The following TBCEL variants were observed in gnomAD, a reference collection of about 807,000 sequenced individuals.
TBCEL encodes tubulin-specific chaperone cofactor E-like protein.
A neutral mutation model predicts 44.2 loss-of-function variants in TBCEL; 15 were observed. That is an observed-to-expected ratio of 0.34 (90% CI 0.23 to 0.52). The LOEUF (loss-of-function observed/expected upper bound fraction) is 0.52, where lower values mean the gene tolerates loss of function less well. TBCEL is among the 20% of genes least tolerant of loss of function. The pLI, the probability that TBCEL is intolerant of heterozygous loss-of-function variation, is 0.95. For synonymous variants in TBCEL, 171 were observed against 185.4 expected (o/e 0.92, Z 0.63); for missense variants, 319 against 506.3 (o/e 0.63, Z 3.55).
chr11:121,044,867 A>C (rs1184675357), intron 2 of TBCEL, among the ~76,000 whole-genome samples: 16 of 152,140 alleles, frequency 1.1e-4, no homozygotes, highest in Admixed American at 1.0e-3. Flanking sequence ...GATTAGGTCC[A>C]GTTATAGGTA....
intron 8 of TBCEL, among the ~76,000 whole-genome samples, chr11:121,074,045 T>C (rs1945987972): frequency 6.6e-6 from 1 of 152,018 alleles, no homozygotes; most frequent in Non-Finnish European, 1.5e-5. Context: ...AAGGTTGTAC[T>C]AGCTTCAAAA....
chr11:121,039,339 G>A (rs1224795030), intron 2 of TBCEL, among the ~76,000 whole-genome samples: 1 of 152,196 alleles, frequency 6.6e-6, no homozygotes, highest in African/African-American at 2.4e-5. Flanking sequence ...ACTTCTGAAA[G>A]TTAATCACTT....
chr11:121,079,923 T>C (rs7927356), intron 8 of TBCEL, among the ~76,000 whole-genome samples: 56,994 of 152,012 alleles, frequency 0.37, 11,338 homozygotes, highest in African/African-American at 0.52. Context: ...CAAGCAATTC[T>C]CCTGCCTTAG....
intron 1 of TBCEL, among the ~76,000 whole-genome samples, chr11:121,029,016 T>G (rs933287542): frequency 6.6e-6 from 1 of 152,210 alleles, no homozygotes; most frequent in East Asian, 1.9e-4. Flanking sequence ...TTCCCACATA[T>G]ACTCTATACT....
At chr11:121,069,300 C>T (rs1224671810) in intron 8 of TBCEL, among the ~76,000 whole-genome samples, 3 of 152,142 alleles carry the variant, frequency 2.0e-5, no homozygotes, top group Non-Finnish European at 2.9e-5. Flanking sequence ...TGAATATTCG[C>T]TTTATACTCT....
chr11:121,079,377 A>G (rs1461783956), intron 8 of TBCEL, among the ~76,000 whole-genome samples: 2 of 152,220 alleles, frequency 1.3e-5, no homozygotes, highest in Non-Finnish European at 2.9e-5. Context: ...TAGGAATGAG[A>G]AAATAATTTC....
chr11:121,061,879 TTTTC>T (rs1325768958), intron 8 of TBCEL, among the ~76,000 whole-genome samples: 3 of 152,172 alleles, frequency 2.0e-5, no homozygotes, highest in East Asian at 3.9e-4. Context: ...TATACAATTT[TTTTC>T]TTTCTTTAAT....
At chr11:121,039,768 CTGACCCAAGGAACCTAAAGG>C (rs1407576828) in intron 2 of TBCEL, among the ~76,000 whole-genome samples, 1 of 152,218 alleles carries the variant, frequency 6.6e-6, no homozygotes, top group Non-Finnish European at 1.5e-5. Flanking sequence ...GAAATGTCAT[CTGACCCAAGGAACCTAAAGG>C]TGAAATTGTG....
rs373633000 is a variant in TBCEL, at chr11:121,058,487, C to T, written c.839+16C>T. 25 of 1,610,046 alleles carry T rather than the reference C, an allele frequency of 1.6e-5. No individual in the cohort carries two copies. In the African/African-American group the frequency reaches 1.7e-4, roughly 11 times the overall value. On this transcript the variant is annotated intron_variant, in intron 7 of 8. Coordinates refer to ENST00000683345, the MANE Select transcript of TBCEL (RefSeq NM_001363644.2). ...TAATAGCCAGGTCTGTTGTCCTGAT[C>T]GTTTTGCTTTATTTTTGTGAGGCCT...
At chr11:121,054,668 ATCTC>A (rs2134947478) in intron 5 of TBCEL, 1 of 157,054 alleles carries the variant, frequency 6.4e-6, no homozygotes, top group East Asian at 1.9e-4. Context: ...ATTTTCTTCT[ATCTC>A]CTTTCAACTT....
At chr11:121,069,633 A>G (rs1216444599) in intron 8 of TBCEL, among the ~76,000 whole-genome samples, 1 of 152,162 alleles carries the variant, frequency 6.6e-6, no homozygotes, top group Non-Finnish European at 1.5e-5. Context: ...TCTACTAAAA[A>G]TACAAAAAAT....
At position 121,090,050 on chromosome 11, in the gene TBCEL, C is replaced by T. The variant is rs1161648372; in HGVS notation, c.*2954C>T. On this transcript the variant is annotated 3_prime_UTR_variant, in exon 9 of 9. Coordinates refer to ENST00000683345, the MANE Select transcript of TBCEL (RefSeq NM_001363644.2). ...TATCTTTTTTATTATCAAGTTTTTGCAGCCTTTTGCCAGCATTGCCATAAA... is the reference window on the plus strand; with the variant it reads ...TATCTTTTTTATTATCAAGTTTTTGTAGCCTTTTGCCAGCATTGCCATAAA... 1 of 152,134 alleles carries T rather than the reference C, an allele frequency of 6.6e-6. No homozygotes were observed. The highest frequency in any genetic ancestry group is 1.5e-5 in the Non-Finnish European group (1 of 68,022). 9.4% of individuals were successfully genotyped at this position (152,134 alleles called of 1,614,324 possible). A position where few individuals can be genotyped will look rare whatever the true frequency, so the allele number is the denominator to read the frequency against.
rs891874939 is a variant in TBCEL, at chr11:121,088,641, CT to C, written c.*1546del. 159 of 152,292 alleles carry C rather than the reference CT, an allele frequency of 1.0e-3. No individual in the cohort carries two copies. Among genetic ancestry groups the C allele is most frequent in the African/African-American group, 3.7e-3 (153 of 41,572 alleles). 9.4% of individuals were successfully genotyped at this position (152,292 alleles called of 1,614,324 possible). A position where few individuals can be genotyped will look rare whatever the true frequency, so the allele number is the denominator to read the frequency against. On this transcript the variant is annotated 3_prime_UTR_variant, in exon 9 of 9. Coordinates refer to ENST00000683345, the MANE Select transcript of TBCEL (RefSeq NM_001363644.2). ...TGACCTTTGTTACATAATTCTACCC[CT>C]CCTACAAATTTAATTTTTTTATGAA...
chr11:121,069,857 C>T (rs186806860), intron 8 of TBCEL, among the ~76,000 whole-genome samples: 1 of 151,930 alleles, frequency 6.6e-6, no homozygotes, highest in Admixed American at 6.6e-5. Flanking sequence ...AGGTAGGAAA[C>T]AGGGCAGTCC....
intron 1 of TBCEL, among the ~76,000 whole-genome samples, chr11:121,032,783 G>A (rs550283042): frequency 2.6e-5 from 4 of 152,334 alleles, no homozygotes; most frequent in South Asian, 2.1e-4. Flanking sequence ...ACAAGAAGGC[G>A]TAGTGCCACC....
At chr11:121,025,485 CTT>C (rs1404535445) in intron 1 of TBCEL, among the ~76,000 whole-genome samples, 1 of 151,966 alleles carries the variant, frequency 6.6e-6, no homozygotes, top group Non-Finnish European at 1.5e-5. Context: ...TGAAGGGAAA[CTT>C]TCACAAAGCA....
chr11:121,051,803 G>C (rs1945534039), intron 4 of TBCEL, among the ~76,000 whole-genome samples: 1 of 151,806 alleles, frequency 6.6e-6, no homozygotes, highest in Admixed American at 6.6e-5. Flanking sequence ...TGGAATAAGT[G>C]AAATAGTGAA....
intron 6 of TBCEL, among the ~76,000 whole-genome samples, 155 bp from the exon 7 acceptor site, chr11:121,058,190 T>C (rs959345812): frequency 6.6e-6 from 1 of 151,894 alleles, no homozygotes; most frequent in African/African-American, 2.4e-5. Flanking sequence ...AACTGTGTTC[T>C]GCTCTTGCCT....
intron 8 of TBCEL, among the ~76,000 whole-genome samples, chr11:121,066,004 T>A (rs1945813749): frequency 6.6e-6 from 1 of 152,168 alleles, no homozygotes; most frequent in African/African-American, 2.4e-5. Flanking sequence ...ACAACAGAAA[T>A]CAATTCTGGC....
Sources: allele counts gnomAD v4.1 joint callset (sites outside exome capture counted in the v4.1 genomes callset), GRCh38; gene constraint gnomAD v4.1.1; transcripts MANE v1.5; gene names NCBI Gene and HGNC (gene_info 2026-07-23, HGNC 2026-07-21).